CPS1: variants seen among roughly 807,000 people sequenced by gnomAD.
CPS1 encodes the protein carbamoyl-phosphate synthase 1.
Under a neutral mutation model 174.6 loss-of-function variants are expected in CPS1, and 109 were observed. The observed-to-expected ratio is 0.62, with a 90% CI of 0.53 to 0.73. The LOEUF (loss-of-function observed/expected upper bound fraction) is 0.73, where lower values mean the gene tolerates loss of function less well. Among genes scored for constraint, CPS1 ranks in the 30% least tolerant of loss-of-function variants. CPS1 has a pLI of 0.00. For synonymous variants in CPS1, 637 were observed against 632.0 expected, an observed-to-expected ratio of 1.01 and a Z score of -0.12; for missense variants, 1,689 against 1,821.9, an observed-to-expected ratio of 0.93 and a Z score of 1.33.
chr2:210,659,465 A>G (rs1230204294), intron 31 of CPS1, among the ~76,000 whole-genome samples: 2 of 152,162 alleles, frequency 1.3e-5, no homozygotes, highest in African/African-American at 2.4e-5. Flanking sequence ...CTACCCCAAC[A>G]GGATAGCATT....
At chr2:210,595,012 A>G (rs1698440866) in intron 12 of CPS1, among the ~76,000 whole-genome samples, 1 of 151,894 alleles carries the variant, frequency 6.6e-6, no homozygotes, top group Non-Finnish European at 1.5e-5. Context: ...TCATGTACTG[A>G]GTATTATTTT....
At chr2:210,527,118 A>C (rs1028970095) in intron 1 of CPS1, among the ~76,000 whole-genome samples, 2 of 151,098 alleles carry the variant, frequency 1.3e-5, no homozygotes, top group African/African-American at 4.9e-5. Context: ...TCTCTTCTTT[A>C]TTTCTTTCCT....
chr2:210,489,813 A>G (rs568214539), intron 1 of CPS1, among the ~76,000 whole-genome samples: 79 of 152,212 alleles, frequency 5.2e-4, no homozygotes, highest in African/African-American at 1.8e-3. Flanking sequence ...CCTGGCTAAC[A>G]TGGTGAAACC....
intron 34 of CPS1, chr2:210,673,572 T>C (rs1302222129): frequency 6.6e-6 from 1 of 152,018 alleles, no homozygotes; most frequent in Non-Finnish European, 1.5e-5. Flanking sequence ...GGGCAGTCAG[T>C]TTGGGTTGTA....
chr2:210,574,826 T>G (rs1351812133), intron 2 of CPS1, among the ~76,000 whole-genome samples: 6 of 151,816 alleles, frequency 4.0e-5, no homozygotes, highest in Non-Finnish European at 7.4e-5. Flanking sequence ...AATGGTAAGT[T>G]CTTTTATGGA....
chr2:210,611,374 A>G (rs1699114566), intron 19 of CPS1, among the ~76,000 whole-genome samples: 1 of 152,016 alleles, frequency 6.6e-6, no homozygotes. Flanking sequence ...ATAGCAATCT[A>G]TTATTCTATG....
At chr2:210,521,650 GT>G (rs1695829220) in intron 1 of CPS1, among the ~76,000 whole-genome samples, 1 of 151,878 alleles carries the variant, frequency 6.6e-6, no homozygotes, top group African/African-American at 2.4e-5. Flanking sequence ...AGACATTGTA[GT>G]TTTTATCTCC....
intron 28 of CPS1, among the ~76,000 whole-genome samples, chr2:210,653,098 A>G (rs967146963): frequency 2.6e-5 from 4 of 152,208 alleles, no homozygotes; most frequent in Admixed American, 1.3e-4. Context: ...AGGAGATAGC[A>G]TATGACCTAG....
chr2:210,556,938 G>A (rs910579917), intron 1 of CPS1, 79 bp downstream of exon 1: 1 of 1,503,538 alleles, frequency 6.7e-7, no homozygotes, highest in African/African-American at 1.4e-5. Flanking sequence ...CCCTTACAAG[G>A]CAAATACAGT....
chr2:210,559,175 A>G (rs1025816739), intron 1 of CPS1, among the ~76,000 whole-genome samples: 2 of 152,148 alleles, frequency 1.3e-5, no homozygotes, highest in African/African-American at 4.8e-5. Flanking sequence ...AGTTAAAATC[A>G]TTAGGATGTA....
intron 1 of CPS1, among the ~76,000 whole-genome samples, chr2:210,528,773 G>A (rs1275748463): frequency 2.0e-5 from 3 of 149,370 alleles, no homozygotes; most frequent in African/African-American, 7.4e-5. Context: ...AGATCAAGAG[G>A]ATTTGAAATA....
intron 5 of CPS1, among the ~76,000 whole-genome samples, chr2:210,580,853 T>C (rs1483301126): frequency 1.4e-5 from 2 of 142,310 alleles, no homozygotes; most frequent in East Asian, 4.1e-4. Context: ...TACAGGACCC[T>C]GTCTCAAAAA....
At chr2:210,649,811 T>G (rs539738886) in intron 27 of CPS1, among the ~76,000 whole-genome samples, 3 of 152,320 alleles carry the variant, frequency 2.0e-5, no homozygotes, top group African/African-American at 7.2e-5. Flanking sequence ...TTCTCAAGCA[T>G]TTAAAAAGAA....
In CPS1 at chr2:210,645,574, C is replaced by T. The variant is rs114564042; in HGVS notation, c.3142-2289C>T. Among the ~76,000 whole-genome samples the T allele has an allele frequency of 6.5e-3, 992 of 152,098 alleles. 11 individuals carry two copies. Among genetic ancestry groups the T allele is most frequent in the African/African-American group, 0.023 (950 of 41,486 alleles). ...TTTGGGGAGGCTAAGGAGGGTAGAT[C>T]ACTTGAGGCCAGGAGTTCAAGACCA... On this transcript the variant is annotated intron_variant, in intron 25 of 37. Coordinates refer to ENST00000233072, the MANE Select transcript of CPS1 (RefSeq NM_001875.5).
chr2:210,664,722 G>A (rs1701035895), intron 33 of CPS1, among the ~76,000 whole-genome samples: 1 of 152,168 alleles, frequency 6.6e-6, no homozygotes, highest in Non-Finnish European at 1.5e-5. Context: ...GAAAGAATGA[G>A]AAATTCAGCT....
At chr2:210,501,137 T>G (rs572862363) in intron 1 of CPS1, among the ~76,000 whole-genome samples, 77 of 152,058 alleles carry the variant, frequency 5.1e-4, no homozygotes, top group Non-Finnish European at 9.4e-4. Context: ...GAGCACCAAG[T>G]CTCTAGGCTG....
At chr2:210,523,739 G>A (rs1574490950) in intron 1 of CPS1, among the ~76,000 whole-genome samples, 1 of 152,110 alleles carries the variant, frequency 6.6e-6, no homozygotes, top group Middle Eastern at 3.4e-3. Context: ...TCCAAAGAAT[G>A]AATGTTCATG....
At chr2:210,612,543 A>G (rs1437694700) in intron 20 of CPS1, among the ~76,000 whole-genome samples, 1 of 151,948 alleles carries the variant, frequency 6.6e-6, no homozygotes, top group East Asian at 1.9e-4. Context: ...TTAAAGGATG[A>G]TTAAATAGAT....
At chr2:210,586,440 T>C (rs1413599762) in intron 6 of CPS1, among the ~76,000 whole-genome samples, 1 of 152,008 alleles carries the variant, frequency 6.6e-6, no homozygotes, top group Non-Finnish European at 1.5e-5. Flanking sequence ...AGGGTGATGA[T>C]AGATGATAGA....
Sources: gnomAD v4.1 joint callset for allele counts (sites outside exome capture counted in the v4.1 genomes callset) on GRCh38, gnomAD v4.1.1 for gene constraint, MANE v1.5 for transcripts, NCBI Gene and HGNC (gene_info 2026-07-23, HGNC 2026-07-21) for gene names.